Variants in PLXDC2 observed in about 807,000 individuals in gnomAD.
PLXDC2 encodes the protein plexin domain-containing protein 2.
A neutral mutation model predicts 68.9 loss-of-function variants in PLXDC2; 40 were observed. That is an observed-to-expected ratio of 0.58 (90% confidence interval 0.45 to 0.76). The LOEUF (loss-of-function observed/expected upper bound fraction) is 0.76, where lower values mean the gene tolerates loss of function less well. Among genes scored for constraint, PLXDC2 ranks in the 30% least tolerant of loss-of-function variants. The pLI, the probability that PLXDC2 is intolerant of heterozygous loss-of-function variation, is 0.00. For missense variants in PLXDC2, 644 were observed against 661.9 expected (o/e 0.97, Z 0.30); for synonymous variants, 243 against 234.2 (o/e 1.04, Z -0.34).
chr10:20,199,235 T>A (rs1834885371), intron 9 of PLXDC2, among the ~76,000 whole-genome samples: 1 of 152,066 alleles, frequency 6.6e-6, no homozygotes, highest in East Asian at 1.9e-4. Flanking sequence ...ACCATTTTTT[T>A]AAGTTAACAT....
intron 12 of PLXDC2, among the ~76,000 whole-genome samples, chr10:20,222,604 A>G (rs1164761784): frequency 6.6e-6 from 1 of 152,232 alleles, no homozygotes; most frequent in Admixed American, 6.5e-5. Context: ...AAATTGAAAC[A>G]AAAGAGAAAG....
chr10:19,860,004 A>G (rs1459410696), intron 1 of PLXDC2, among the ~76,000 whole-genome samples: 1 of 152,196 alleles, frequency 6.6e-6, no homozygotes, highest in East Asian at 1.9e-4. Flanking sequence ...TGCTGGGATT[A>G]CAGACGTGAG....
chr10:19,864,841 A>G (rs1837384298), intron 1 of PLXDC2, among the ~76,000 whole-genome samples: 1 of 152,170 alleles, frequency 6.6e-6, no homozygotes, highest in African/African-American at 2.4e-5. Context: ...CTGTAGTTGG[A>G]ATTGAGAGAC....
At chr10:20,245,637 A>T (rs946154851) in intron 13 of PLXDC2, 132 bp downstream of exon 13, 10 of 1,025,440 alleles carry the variant, frequency 9.8e-6, no homozygotes, top group Non-Finnish European at 1.4e-5. Context: ...TTTCACACAC[A>T]TGGATGTTGT....
chr10:19,869,482 GAGGGT>G, intron 1 of PLXDC2, among the ~76,000 whole-genome samples: 1 of 76,644 alleles, frequency 1.3e-5, no homozygotes, highest in Non-Finnish European at 2.6e-5. Flanking sequence ...GGGGGGGGGA[GAGGGT>G]GGGAGGGAGG....
intron 1 of PLXDC2, among the ~76,000 whole-genome samples, chr10:19,828,596 C>T (rs2131307221): frequency 6.6e-6 from 1 of 152,212 alleles, no homozygotes; most frequent in East Asian, 1.9e-4. Flanking sequence ...TTGTTCATTT[C>T]AGATATTTTT....
At chr10:19,989,608 T>G (rs1424674105) in intron 1 of PLXDC2, among the ~76,000 whole-genome samples, 1 of 152,182 alleles carries the variant, frequency 6.6e-6, no homozygotes, top group African/African-American at 2.4e-5. Flanking sequence ...TTCATTAAGG[T>G]GATAACTGAG....
rs80266148 is a variant in PLXDC2 at position 19,873,953 on chromosome 10, A to C, written c.112+56762A>C. Among the ~76,000 whole-genome samples the C allele has an allele frequency of 6.9e-3, 1,050 of 152,248 alleles. 10 individuals carry two copies. The highest frequency in any genetic ancestry group is 0.022 in the African/African-American group (916 of 41,554). On this transcript the variant is annotated intron_variant, in intron 1 of 13. Coordinates refer to ENST00000377252, the MANE Select transcript of PLXDC2 (RefSeq NM_032812.9). Reference sequence around the variant, plus strand: ...TTGTGAGGTTTTTTTCTTTATGTTGAGGCCAGATTTCCATACTCTTAAAAC... The same window carrying C: ...TTGTGAGGTTTTTTTCTTTATGTTGCGGCCAGATTTCCATACTCTTAAAAC...
chr10:20,136,983 A>G (rs1206156255), intron 4 of PLXDC2, among the ~76,000 whole-genome samples: 1 of 152,218 alleles, frequency 6.6e-6, no homozygotes, highest in African/African-American at 2.4e-5. Flanking sequence ...TTGTTGCATC[A>G]GAATGTAAGG....
chr10:20,272,563 C>A (rs914962523), intron 13 of PLXDC2, among the ~76,000 whole-genome samples: 5 of 152,156 alleles, frequency 3.3e-5, no homozygotes, highest in Non-Finnish European at 7.4e-5. Flanking sequence ...TATTGTGAAT[C>A]TCCCTGTATA....
intron 4 of PLXDC2, among the ~76,000 whole-genome samples, chr10:20,122,643 T>C (rs931920445): frequency 6.6e-6 from 1 of 152,016 alleles, no homozygotes; most frequent in Admixed American, 6.5e-5. Flanking sequence ...GGGAAGGAGG[T>C]TCTGGAGAAA....
At chr10:19,909,934 C>T (rs2358651) in intron 1 of PLXDC2, among the ~76,000 whole-genome samples, 1,861 of 152,186 alleles carry the variant, frequency 0.012, 131 homozygotes, top group Admixed American at 0.1. Flanking sequence ...TAGTGCTGTT[C>T]ATACTTGGGA....
intron 6 of PLXDC2, among the ~76,000 whole-genome samples, chr10:20,151,078 C>T (rs896019432): frequency 2.6e-5 from 4 of 152,246 alleles, no homozygotes; most frequent in East Asian, 1.9e-4. Context: ...TCTTTGTTCT[C>T]GATACAAAGC....
intron 2 of PLXDC2, among the ~76,000 whole-genome samples, chr10:20,022,247 A>G (rs1835324644): frequency 6.6e-6 from 1 of 152,224 alleles, no homozygotes; most frequent in Non-Finnish European, 1.5e-5. Context: ...CATGAGTGCT[A>G]GTTGCCAGTA....
At chr10:20,011,836 C>T (rs894181463) in intron 2 of PLXDC2, among the ~76,000 whole-genome samples, 3 of 152,242 alleles carry the variant, frequency 2.0e-5, no homozygotes, top group South Asian at 2.1e-4. Context: ...CTACTCTGTC[C>T]GTGAACTTAT....
At chr10:20,117,025 T>C (rs1173277149) in intron 4 of PLXDC2, among the ~76,000 whole-genome samples, 1 of 145,498 alleles carries the variant, frequency 6.9e-6, no homozygotes, top group Non-Finnish European at 1.5e-5. Context: ...ACAATATAAT[T>C]ATCACATACT....
intron 11 of PLXDC2, among the ~76,000 whole-genome samples, chr10:20,218,791 C>G (rs1835173404): frequency 6.6e-6 from 1 of 152,084 alleles, no homozygotes; most frequent in Non-Finnish European, 1.5e-5. Flanking sequence ...TGTATTTTAA[C>G]TTTTAATTAT....
At chr10:20,141,275 C>CATAT (rs3048952) in intron 4 of PLXDC2, among the ~76,000 whole-genome samples, 34,807 of 151,654 alleles carry the variant, frequency 0.23, 4,930 homozygotes, top group East Asian at 0.49. Flanking sequence ...GGGGAAAGTA[C>CATAT]ATATATCTTA....
chr10:19,912,108 C>T (rs1833283202), intron 1 of PLXDC2, among the ~76,000 whole-genome samples: 1 of 152,182 alleles, frequency 6.6e-6, no homozygotes, highest in Non-Finnish European at 1.5e-5. Flanking sequence ...TTTGGACGAA[C>T]AGCCCTGAAG....
Sources: gnomAD v4.1 joint callset for allele counts (sites outside exome capture counted in the v4.1 genomes callset) on GRCh38, gnomAD v4.1.1 for gene constraint, MANE v1.5 for transcripts, NCBI Gene and HGNC (gene_info 2026-07-23, HGNC 2026-07-21) for gene names.